SNX29: variants seen among roughly 807,000 people sequenced by gnomAD.
SNX29 encodes the protein sorting nexin 29, also known as sorting nexin-29.
SNX29 carries 78 observed loss-of-function variants against 102.1 expected under a neutral mutation model. That is an observed-to-expected ratio of 0.76 (90% CI 0.64 to 0.92). The LOEUF is 0.92. SNX29 is among the 40% of genes least tolerant of loss of function. SNX29 has a pLI of 0.00. For missense variants in SNX29, 1,280 were observed against 1,061.7 expected, an observed-to-expected ratio of 1.21 and a Z score of -2.86; for synonymous variants, 580 against 414.5, an observed-to-expected ratio of 1.40 and a Z score of -4.85.
intron 15 of SNX29, among the ~76,000 whole-genome samples, chr16:12,279,504 A>G (rs2079364160): frequency 6.6e-6 from 1 of 152,216 alleles, no homozygotes; most frequent in African/African-American, 2.4e-5. Flanking sequence ...CTCTCTGCCC[A>G]GTGCTCTGCC....
chr16:12,377,354 C>T (rs2082913998), intron 16 of SNX29, among the ~76,000 whole-genome samples: 1 of 152,220 alleles, frequency 6.6e-6, no homozygotes, highest in African/African-American at 2.4e-5. Flanking sequence ...TCACCATCCT[C>T]ACCTGCAGAC....
chr16:12,520,183 A>G lies in SNX29; in HGVS notation c.2179-4519A>G, dbSNP rs569639666. On this transcript the variant is annotated intron_variant, in intron 19 of 20. Transcript: ENST00000566228. ...CTAGGGTCAGAGTGAGACCTGAGGG[A>G]AAAGTGCCTGGGGCAGAGGATGAGT... Among the ~76,000 whole-genome samples the G allele has an allele frequency of 1.6e-3, 240 of 152,226 alleles. 1 individual carries two copies. Among genetic ancestry groups the G allele is most frequent in the African/African-American group, 5.5e-3 (230 of 41,546 alleles).
intron 1 of SNX29, 48 bp from the exon 2 acceptor site, chr16:11,999,249 C>A: frequency 6.3e-7 from 1 of 1,579,686 alleles, no homozygotes; most frequent in Non-Finnish European, 8.7e-7. Context: ...TTGGGGACAG[C>A]CGTGTCCGAG....
chr16:12,265,981 A>G lies in SNX29; in HGVS notation c.1679-11952A>G, dbSNP rs551193480. 5.9e-5 allele frequency among the ~76,000 whole-genome samples: 9 copies of G among 152,328 alleles called. No individual in the cohort carries two copies. The South Asian group carries it at 1.9e-3, about 32-fold the overall frequency. ...ATGTTTAATTCTCACAAGAGTTACC[A>G]TTATCCCCATTTTACAAATGAGGAA... On this transcript the variant is annotated intron_variant, in intron 14 of 20. Coordinates refer to ENST00000566228, the MANE Select transcript of SNX29 (RefSeq NM_032167.5).
chr16:12,419,135 G>A (rs796628673), intron 18 of SNX29, among the ~76,000 whole-genome samples: 6 of 152,250 alleles, frequency 3.9e-5, no homozygotes, highest in African/African-American at 1.4e-4. Flanking sequence ...AACAGTGTAA[G>A]CATTGTTTAG....
chr16:12,213,504 A>G (rs534111920), intron 14 of SNX29, among the ~76,000 whole-genome samples: 12 of 152,334 alleles, frequency 7.9e-5, no homozygotes, highest in African/African-American at 2.6e-4. Flanking sequence ...ATTAAAAACA[A>G]CATTGACTTT....
At chr16:12,119,291 G>T (rs1259279968) in intron 11 of SNX29, among the ~76,000 whole-genome samples, 1 of 152,188 alleles carries the variant, frequency 6.6e-6, no homozygotes, top group Non-Finnish European at 1.5e-5. Context: ...CTTTTGGGAT[G>T]CCTGCCTTAA....
Position 12,052,192 on chromosome 16 carries a change from A to C in SNX29, c.1094A>C (p.Lys365Thr). 6.2e-7 allele frequency: 1 copy of C among 1,613,946 alleles called. No homozygotes were observed. The highest frequency in any genetic ancestry group is 8.5e-7 in the Non-Finnish European group (1 of 1,179,846). The change falls in exon 8 of 21, where the codon AAG becomes ACG. Residue 365 changes from lysine to threonine, a missense_variant. By Grantham distance (78) the Lys-to-Thr change is moderately conservative. Transcript: ENST00000566228. ...DDVYGNSSGR[K>T]HRGHSESPEK... ...GTGTATGGAAACTCATCAGGAAGGA[A>C]GCACAGGGGCCACTCGGAGTCGCCC... is the stretch of plus-strand genomic sequence containing the variant.
At chr16:12,482,422 C>G (rs1158945761) in intron 19 of SNX29, among the ~76,000 whole-genome samples, 3 of 152,170 alleles carry the variant, frequency 2.0e-5, no homozygotes, top group African/African-American at 7.2e-5. Context: ...TTGCTTCAGC[C>G]TCCCAAGTAG....
chr16:12,112,123 T>G (rs1376327170), intron 11 of SNX29, among the ~76,000 whole-genome samples: 5 of 152,122 alleles, frequency 3.3e-5, no homozygotes, highest in Non-Finnish European at 7.4e-5. Context: ...TACTGCTGGG[T>G]GAAGCTGGGT....
chr16:12,089,398 A>G (rs2052391744), intron 11 of SNX29, among the ~76,000 whole-genome samples: 1 of 152,174 alleles, frequency 6.6e-6, no homozygotes, highest in Non-Finnish European at 1.5e-5. Context: ...CCCAGTGTCC[A>G]TAGTATAATA....
intron 20 of SNX29, among the ~76,000 whole-genome samples, chr16:12,551,791 T>C (rs1597950908): frequency 6.6e-6 from 1 of 152,308 alleles, no homozygotes; most frequent in African/African-American, 2.4e-5. Context: ...CAGAAGCACA[T>C]GGGCATCAAA....
intron 18 of SNX29, among the ~76,000 whole-genome samples, chr16:12,406,122 G>C (rs760112478): frequency 2.0e-5 from 3 of 151,940 alleles, no homozygotes; most frequent in Non-Finnish European, 2.9e-5. Flanking sequence ...TAAAAGAGAG[G>C]TTAAAAAAAA....
intron 8 of SNX29, among the ~76,000 whole-genome samples, chr16:12,054,771 G>A (rs1183381110): frequency 6.6e-6 from 1 of 152,102 alleles, no homozygotes; most frequent in African/African-American, 2.4e-5. Context: ...TCTCTCTTCA[G>A]GCACACACCC....
rs946433417 is a variant in SNX29, at chr16:12,355,811, A to G, written c.1783-352A>G. Among the ~76,000 whole-genome samples the G allele has an allele frequency of 2.3e-4, 29 of 127,576 alleles. No individual in the cohort carries two copies. The East Asian group carries it at 3.3e-3, about 15-fold the overall frequency. The allele number at this position is 127,576 out of a possible 152,430, so 83.7% of individuals were successfully genotyped here. ...AGGGCTCTGGTGTCAGTTCCTTGTT[A>G]GATGTCTGACCTTGACAGAGCGAGA... On this transcript the variant is annotated intron_variant, in intron 15 of 20. Transcript: ENST00000566228.
At chr16:12,197,605 A>G (rs1422395936) in intron 13 of SNX29, among the ~76,000 whole-genome samples, 5 of 152,220 alleles carry the variant, frequency 3.3e-5, no homozygotes, top group African/African-American at 9.6e-5. Flanking sequence ...CATGCTGTAC[A>G]ATCCCCATCA....
At chr16:12,252,365 A>G (rs1473073017) in intron 14 of SNX29, among the ~76,000 whole-genome samples, 1 of 152,158 alleles carries the variant, frequency 6.6e-6, no homozygotes, top group Non-Finnish European at 1.5e-5. Flanking sequence ...GCTACCTCTC[A>G]TCTCCTCTGG....
At chr16:12,541,745 C>T (rs184437808) in intron 20 of SNX29, among the ~76,000 whole-genome samples, 3 of 152,224 alleles carry the variant, frequency 2.0e-5, no homozygotes, top group African/African-American at 7.2e-5. Flanking sequence ...CCGTACTGTG[C>T]CAGCCAGTGC....
rs372720992 is a variant in SNX29 at position 12,398,114 on chromosome 16, A to T, written c.1900-332A>T. ...ACAATGGATATTTTTTCCATTGCAC[A>T]TCTGATAACTTGCATCTCAGATCCT... On this transcript the variant is annotated intron_variant, in intron 16 of 20. Coordinates refer to ENST00000566228, the MANE Select transcript of SNX29 (RefSeq NM_032167.5). Among the ~76,000 whole-genome samples the T allele has an allele frequency of 9.2e-5, 14 of 152,306 alleles. No homozygotes were observed. The East Asian group carries it at 2.3e-3, about 25-fold the overall frequency.
Sources: allele counts gnomAD v4.1 joint callset (sites outside exome capture counted in the v4.1 genomes callset), GRCh38; gene constraint gnomAD v4.1.1; transcripts MANE v1.5; gene names NCBI Gene and HGNC (gene_info 2026-07-23, HGNC 2026-07-21).